Variants in CDH12 observed in about 807,000 individuals in gnomAD.
CDH12 encodes the protein cadherin-12.
A neutral mutation model predicts 74.1 loss-of-function variants in CDH12; 41 were observed. The observed-to-expected ratio is 0.55, with a 90% CI of 0.43 to 0.72. The LOEUF is 0.72. Among genes scored for constraint, CDH12 ranks in the 30% least tolerant of loss-of-function variants. The pLI, the probability that CDH12 is intolerant of heterozygous loss-of-function variation, is 0.00. For synonymous variants in CDH12, 399 were observed against 355.0 expected, an observed-to-expected ratio of 1.12 and a Z score of -1.39; for missense variants, 945 against 977.2, an observed-to-expected ratio of 0.97 and a Z score of 0.44.
intron 3 of CDH12, among the ~76,000 whole-genome samples, chr5:22,250,095 A>AAGCATGGTGTTGGAG (rs1753085409): frequency 6.6e-6 from 1 of 152,076 alleles, no homozygotes; most frequent in African/African-American, 2.4e-5. Context: ...GGGATCTGGA[A>AAGCATGGTGTTGGAG]AAGCATGGTG....
At chr5:22,822,612 G>A (rs914925024) in intron 1 of CDH12, among the ~76,000 whole-genome samples, 2 of 152,148 alleles carry the variant, frequency 1.3e-5, no homozygotes, top group Non-Finnish European at 2.9e-5. Flanking sequence ...CATTTATGCA[G>A]CCAAAAAACA....
chr5:22,250,790 T>C (rs1753108951), intron 3 of CDH12, among the ~76,000 whole-genome samples: 1 of 152,096 alleles, frequency 6.6e-6, no homozygotes, highest in South Asian at 2.1e-4. Context: ...GGAGAACTAA[T>C]AAGAGAGGGC....
intron 13 of CDH12, among the ~76,000 whole-genome samples, chr5:21,756,317 A>G (rs1744394335): frequency 1.3e-5 from 2 of 152,074 alleles, no homozygotes; most frequent in African/African-American, 4.8e-5. Flanking sequence ...GTTTATAAAT[A>G]TATGTTATAT....
intron 3 of CDH12, among the ~76,000 whole-genome samples, chr5:22,279,190 A>T (rs1736767586): frequency 6.6e-6 from 1 of 152,180 alleles, no homozygotes; most frequent in Non-Finnish European, 1.5e-5. Flanking sequence ...TCAAAGTAGT[A>T]TCAATTGAAT....
chr5:22,600,882 T>C (rs1736826503), intron 1 of CDH12, among the ~76,000 whole-genome samples: 1 of 152,088 alleles, frequency 6.6e-6, no homozygotes, highest in South Asian at 2.1e-4. Flanking sequence ...TTCAGTACAA[T>C]GACAATTATA....
At chr5:22,179,950 C>T (rs369596389) in intron 4 of CDH12, among the ~76,000 whole-genome samples, 1 of 152,140 alleles carries the variant, frequency 6.6e-6, no homozygotes, top group African/African-American at 2.4e-5. Flanking sequence ...TGGGTAAATT[C>T]ACGGTGACTT....
intron 6 of CDH12, among the ~76,000 whole-genome samples, chr5:21,880,758 C>T (rs2150032604): frequency 6.6e-6 from 1 of 150,562 alleles, no homozygotes; most frequent in South Asian, 2.1e-4. Flanking sequence ...CAGGCACTCA[C>T]TCGTTGTGAC....
chr5:22,481,463 G>A (rs1746380595), intron 2 of CDH12, among the ~76,000 whole-genome samples: 1 of 152,114 alleles, frequency 6.6e-6, no homozygotes, highest in Non-Finnish European at 1.5e-5. Context: ...TCAACCTAAA[G>A]CTACAGATGA....
At chr5:22,323,094 A>G (rs1738951076) in intron 3 of CDH12, among the ~76,000 whole-genome samples, 1 of 152,174 alleles carries the variant, frequency 6.6e-6, no homozygotes, top group South Asian at 2.1e-4. Flanking sequence ...TTTGTAATTG[A>G]TCAGCAATGG....
intron 1 of CDH12, among the ~76,000 whole-genome samples, chr5:22,745,846 G>T (rs2127025798): frequency 6.6e-6 from 1 of 152,156 alleles, no homozygotes; most frequent in East Asian, 1.9e-4. Flanking sequence ...AAATTAATCT[G>T]TACAGCAAAC....
At chr5:22,771,242 A>G (rs1746789224) in intron 1 of CDH12, among the ~76,000 whole-genome samples, 1 of 152,088 alleles carries the variant, frequency 6.6e-6, no homozygotes, top group South Asian at 2.1e-4. Context: ...CTCTTTTTTG[A>G]GAAACCAAAT....
At chr5:22,424,002 C>CAAA (rs1165781089) in intron 2 of CDH12, among the ~76,000 whole-genome samples, 313 of 31,198 alleles carry the variant, frequency 0.01, 15 homozygotes, top group East Asian at 0.084. Flanking sequence ...GACTCTGTCT[C>CAAA]AAAAAAAAAA....
At position 22,075,458 on chromosome 5, in the gene CDH12, T is replaced by C. The variant is rs566221580; in HGVS notation, c.231+2988A>G. On this transcript the variant is annotated intron_variant, in intron 5 of 14. Coordinates refer to ENST00000382254, the MANE Select transcript of CDH12 (RefSeq NM_004061.5). ...CACATGTACCCTAAAACTTAAAGCA[T>C]AATAAAAAAAAAACTTTATGATGAC... 2.4e-4 allele frequency among the ~76,000 whole-genome samples: 36 copies of C among 151,834 alleles called. No individual in the cohort carries two copies. In the South Asian group the frequency reaches 6.8e-3, roughly 29 times the overall value.
chr5:22,344,148 C>T (rs1740008104), intron 3 of CDH12, among the ~76,000 whole-genome samples: 1 of 152,126 alleles, frequency 6.6e-6, no homozygotes, highest in Admixed American at 6.6e-5. Context: ...ATATTAATTG[C>T]CCTGTCATAG....
At chr5:21,939,014 A>G (rs1734939441) in intron 6 of CDH12, among the ~76,000 whole-genome samples, 1 of 151,126 alleles carries the variant, frequency 6.6e-6, no homozygotes, top group Admixed American at 6.6e-5. Context: ...ATTTATAATA[A>G]TGAAACCTGG....
At chr5:22,142,040 C>G (rs997056031) in intron 4 of CDH12, among the ~76,000 whole-genome samples, 1 of 152,006 alleles carries the variant, frequency 6.6e-6, no homozygotes, top group Non-Finnish European at 1.5e-5. Flanking sequence ...GAATGAGAAA[C>G]TGAGGATGGT....
At chr5:22,509,414 G>A (rs1355207355) in intron 1 of CDH12, among the ~76,000 whole-genome samples, 1 of 152,166 alleles carries the variant, frequency 6.6e-6, no homozygotes, top group Non-Finnish European at 1.5e-5. Flanking sequence ...TTCATAAAGT[G>A]TGATTACTGG....
intron 4 of CDH12, among the ~76,000 whole-genome samples, chr5:22,140,849 C>T (rs1456802608): frequency 2.0e-5 from 3 of 152,126 alleles, no homozygotes; most frequent in Admixed American, 6.6e-5. Flanking sequence ...CAGACTACAC[C>T]GTCTGCTTCA....
chr5:21,758,996 T>A (rs1295648026), intron 13 of CDH12, among the ~76,000 whole-genome samples: 1 of 151,992 alleles, frequency 6.6e-6, no homozygotes, highest in South Asian at 2.1e-4. Flanking sequence ...GACAAAGGGT[T>A]AAAAAAACTG....
Sources: allele counts gnomAD v4.1 joint callset (sites outside exome capture counted in the v4.1 genomes callset), GRCh38; gene constraint gnomAD v4.1.1; transcripts MANE v1.5; gene names NCBI Gene and HGNC (gene_info 2026-07-23, HGNC 2026-07-21).